The following DEAF1 variants were observed in gnomAD, a reference collection of about 807,000 sequenced individuals.
DEAF1 encodes DEAF1 transcription factor.
In DEAF1, 53 loss-of-function variants were observed where a neutral mutation model predicts 58.9. That is an observed-to-expected ratio of 0.90 (90% CI 0.72 to 1.13). The LOEUF (loss-of-function observed/expected upper bound fraction) is 1.13, where lower values mean the gene tolerates loss of function less well. DEAF1 is among the 50% of genes most tolerant of loss of function. The pLI is 0.00. For synonymous variants in DEAF1, 385 were observed against 340.4 expected (o/e 1.13, Z -1.44); for missense variants, 685 against 791.4 (o/e 0.87, Z 1.61).
chr11:668,961 G>A (rs1370519683), intron 10 of DEAF1, among the ~76,000 whole-genome samples: 1 of 152,138 alleles, frequency 6.6e-6, no homozygotes, highest in Non-Finnish European at 1.5e-5. Flanking sequence ...GAGCAGCTGG[G>A]ACTATAGGTG....
intron 10 of DEAF1, among the ~76,000 whole-genome samples, chr11:660,157 G>C (rs572548153): frequency 6.6e-6 from 1 of 152,328 alleles, no homozygotes; most frequent in South Asian, 2.1e-4. Flanking sequence ...TCTCCCTCGA[G>C]GAAGCAACGG....
intron 2 of DEAF1, among the ~76,000 whole-genome samples, chr11:689,469 C>T (rs11600205): frequency 0.082 from 12,510 of 152,072 alleles, 625 homozygotes; most frequent in Admixed American, 0.18. Flanking sequence ...TCTCGGCCTC[C>T]CAGAGTGCTG....
At chr11:689,071 C>G (rs1261328791) in intron 2 of DEAF1, among the ~76,000 whole-genome samples, 1 of 152,232 alleles carries the variant, frequency 6.6e-6, no homozygotes, top group Non-Finnish European at 1.5e-5. Flanking sequence ...CTGTTCACCC[C>G]ACGGTGGGGC....
At position 684,155 on chromosome 11, in the gene DEAF1, C is replaced by G. The variant is rs142149968; in HGVS notation, c.870+743G>C. 4.6e-3 allele frequency among the ~76,000 whole-genome samples: 676 copies of G among 147,186 alleles called. 5 individuals carry two copies. Among genetic ancestry groups the G allele is most frequent in the African/African-American group, 0.015 (614 of 39,770 alleles). ...TTTTTTTTTGAGGTGCAGTGGCTCA[C>G]GCCTGTAATCTCAACACTTTGGGAG... On this transcript the variant is annotated intron_variant, in intron 6 of 11. Coordinates refer to ENST00000382409, the MANE Select transcript of DEAF1 (RefSeq NM_021008.4).
In DEAF1 at chr11:705,336, C is replaced by A. The variant is rs546097276; in HGVS notation, c.-438+1236G>T. The stretch of plus-strand genomic sequence containing the variant: ...GACTGCTGTGGCAGCCGGTGCTACC[C>A]GCTGTGTCCACTGCACCCTGGCCCT... On this transcript the variant is annotated intron_variant, in intron 1 of 11. Transcript: ENST00000683307. The A allele has an allele frequency of 7.0e-5, 11 of 157,704 alleles. No homozygotes were observed. In the South Asian group the frequency reaches 1.9e-3, roughly 27 times the overall value. 9.8% of individuals were successfully genotyped at this position (157,704 alleles called of 1,614,324 possible).
At chr11:654,684 C>G in intron 10 of DEAF1, 2 of 451,896 alleles carry the variant, frequency 4.4e-6, no homozygotes, top group East Asian at 7.0e-5. Flanking sequence ...GCACAGGCAA[C>G]GTTGCGAAAC....
Position 644,330 on chromosome 11 carries a change from A to G in DEAF1, c.*220T>C, listed in dbSNP as rs1375954143. The G allele has an allele frequency of 4.9e-6, 3 of 611,508 alleles. No homozygotes were observed. The highest frequency in any genetic ancestry group is 8.8e-6 in the Non-Finnish European group (3 of 339,996). The allele number at this position is 611,508 out of a possible 1,614,324, so 37.9% of individuals were successfully genotyped here. On this transcript the variant is annotated 3_prime_UTR_variant, in exon 12 of 12. Coordinates refer to ENST00000382409, the MANE Select transcript of DEAF1 (RefSeq NM_021008.4). The surrounding 1 kb of genome is among the most constrained non-coding windows in gnomAD (Gnocchi z 4.3). ...ACCGGACGCTCATGATCCCAGGGAT[A>G]AAAAATCTGTCCGCGAGCGGGCAGG...
At chr11:646,001 C>G (rs1188616349) in intron 11 of DEAF1, among the ~76,000 whole-genome samples, 1 of 152,028 alleles carries the variant, frequency 6.6e-6, no homozygotes, top group African/African-American at 2.4e-5. Flanking sequence ...GGCTGTAATC[C>G]CATCATGTTG....
intron 10 of DEAF1, among the ~76,000 whole-genome samples, chr11:667,582 AC>A (rs1859608696): frequency 1.3e-5 from 2 of 151,948 alleles, no homozygotes; most frequent in African/African-American, 4.8e-5. Flanking sequence ...CAGGTGAATC[AC>A]CTGAGGTCGG....
intron 6 of DEAF1, among the ~76,000 whole-genome samples, chr11:684,373 G>A (rs1193109805): frequency 4.0e-5 from 6 of 151,724 alleles, no homozygotes; most frequent in Admixed American, 3.3e-4. Context: ...AGCCGAGACC[G>A]CGCCACTGCA....
intron 6 of DEAF1, 147 bp from the exon 7 acceptor site, chr11:681,236 CCT>C: frequency 1.7e-6 from 2 of 1,161,860 alleles, no homozygotes; most frequent in Non-Finnish European, 1.2e-6. Flanking sequence ...AAAGATCCCA[CCT>C]CTTTTTCTTT....
At chr11:689,202 C>CTTTTTT (rs34046317) in intron 2 of DEAF1, among the ~76,000 whole-genome samples, 185 of 94,112 alleles carry the variant, frequency 2.0e-3, no homozygotes, top group Non-Finnish European at 2.5e-3. Flanking sequence ...TTTTCTTTTT[C>CTTTTTT]TTTTTTTTTT....
intron 10 of DEAF1, among the ~76,000 whole-genome samples, chr11:659,788 C>T (rs936054708): frequency 5.9e-5 from 9 of 152,206 alleles, no homozygotes; most frequent in African/African-American, 1.2e-4. Flanking sequence ...TCCACAGGCC[C>T]GGCCTCCTCT....
In DEAF1 at chr11:644,460, G is replaced by GT. The variant is rs1334926856; in HGVS notation, c.*89dup. ...ACCTTCCCACACCCCTCTTCTCAAC[G>GT]TCCCCCCAGAGTCCTCAGGGGGGCC... is the stretch of plus-strand genomic sequence containing the variant. On this transcript the variant is annotated 3_prime_UTR_variant, in exon 12 of 12. Coordinates refer to ENST00000382409, the MANE Select transcript of DEAF1 (RefSeq NM_021008.4). This position sits in a 1 kb window ranked among gnomAD's most constrained non-coding sequence, Gnocchi z 4.3. 1.5e-5 allele frequency: 14 copies of GT among 944,198 alleles called. No individual in the cohort carries two copies. The highest frequency in any genetic ancestry group is 2.3e-5 in the Non-Finnish European group (14 of 600,368). The allele number at this position is 944,198 out of a possible 1,614,324, so 58.5% of individuals were successfully genotyped here.
Position 691,550 on chromosome 11 carries a change from A to G in DEAF1, c.338T>C (p.Val113Ala), listed in dbSNP as rs771686625. The G allele has an allele frequency of 3.1e-6, 5 of 1,613,714 alleles. No individual in the cohort carries two copies. In the African/African-American group the frequency reaches 6.7e-5, roughly 22 times the overall value. Residue 113 changes from valine to alanine, a missense_variant, in exon 2 of 12, where the codon GTC (valine) becomes GCC (alanine). Transcript: ENST00000382409. ...CGCGTTCGCCACAGACGTGGTGAAGACATTGTCTGCAGCAGCCCCCACGTT... is the reference window on the plus strand; with the variant it reads ...CGCGTTCGCCACAGACGTGGTGAAGGCATTGTCTGCAGCAGCCCCCACGTT... ...VANVGAAADN[V>A]FTTSVANAAS...
intron 1 of DEAF1, chr11:706,131 T>G (rs1337597925): frequency 6.6e-6 from 1 of 151,748 alleles, no homozygotes; most frequent in Non-Finnish European, 1.5e-5. Flanking sequence ...CTCCGCAACC[T>G]GTCGCTCAGG....
Position 688,038 on chromosome 11 carries a change from G to A in DEAF1, c.537C>T (p.Thr179=). 6.2e-7 allele frequency: 1 copy of A among 1,614,050 alleles called. No individual in the cohort carries two copies. The highest frequency in any genetic ancestry group is 8.5e-7 in the Non-Finnish European group (1 of 1,180,028). The change falls in exon 4 of 12, where the codon ACC becomes ACT. Residue 179 remains threonine (T), a synonymous_variant. Coordinates refer to ENST00000382409, the MANE Select transcript of DEAF1 (RefSeq NM_021008.4). The surrounding 1 kb of genome is among the most constrained non-coding windows in gnomAD (Gnocchi z 4.3). ...PLTPGPQSPP[T]PLAPGQEKGG... ...CTTTTTCTTGGCCGGGAGCCAGAGGGGTTGGAGGAGACTGAGGACCTTGGG... is the reference window on the plus strand; with the variant it reads ...CTTTTTCTTGGCCGGGAGCCAGAGGAGTTGGAGGAGACTGAGGACCTTGGG...
intron 11 of DEAF1, among the ~76,000 whole-genome samples, chr11:652,393 T>C (rs941746422): frequency 6.6e-6 from 1 of 152,132 alleles, no homozygotes; most frequent in African/African-American, 2.4e-5. Flanking sequence ...ATCCCAGCAA[T>C]TTGGGAGGCC....
chr11:678,890 C>A, intron 8 of DEAF1, 68 bp from the exon 9 acceptor site: 1 of 1,598,600 alleles, frequency 6.3e-7, no homozygotes, highest in Non-Finnish European at 8.5e-7. Flanking sequence ...AAATATCACG[C>A]TGTATGGCTG....
Sources: allele counts gnomAD v4.1 joint callset (sites outside exome capture counted in the v4.1 genomes callset), GRCh38; gene constraint gnomAD v4.1.1; non-coding constraint Gnocchi (gnomAD v3.1); transcripts MANE v1.5; gene names NCBI Gene and HGNC (gene_info 2026-07-23, HGNC 2026-07-21).